Variants in CLOCK observed in about 807,000 individuals in gnomAD.
CLOCK encodes the protein circadian locomoter output cycles protein kaput.
In CLOCK, 43 loss-of-function variants were observed where a neutral mutation model predicts 118.4. That is an observed-to-expected ratio of 0.36 (90% CI 0.28 to 0.47). CLOCK has a LOEUF of 0.47. Ranked by LOEUF, CLOCK falls within the 20% of genes least tolerant of loss-of-function variation. The pLI is 1.00. For synonymous variants in CLOCK, 326 were observed against 339.2 expected (o/e 0.96, Z 0.43); for missense variants, 846 against 999.9 (o/e 0.85, Z 2.08).
At chr4:55,522,426 G>A (rs763848852) in intron 1 of CLOCK, among the ~76,000 whole-genome samples, 1 of 150,924 alleles carries the variant, frequency 6.6e-6, no homozygotes, top group Admixed American at 6.6e-5. Context: ...AGTATCCAAA[G>A]TTCGTAACAA....
chr4:55,447,288 C>T (rs1164669904), intron 18 of CLOCK, among the ~76,000 whole-genome samples: 2 of 151,880 alleles, frequency 1.3e-5, no homozygotes, highest in Non-Finnish European at 2.9e-5. Context: ...CGCCTGAGCT[C>T]AGGAAGCAGA....
At chr4:55,501,617 G>A (rs1728452843) in intron 2 of CLOCK, 1 of 152,178 alleles carries the variant, frequency 6.6e-6, no homozygotes, top group Admixed American at 6.5e-5. Context: ...AAGTGCAGTA[G>A]TGAGAAGAGG....
At chr4:55,451,174 A>C (rs537219382) in intron 15 of CLOCK, among the ~76,000 whole-genome samples, 1 of 152,212 alleles carries the variant, frequency 6.6e-6, no homozygotes, top group East Asian at 1.9e-4. Context: ...CTGTCTTTTA[A>C]ACCAACTCTA....
intron 9 of CLOCK, among the ~76,000 whole-genome samples, chr4:55,462,283 T>G (rs1472128012): frequency 6.6e-6 from 1 of 152,222 alleles, no homozygotes; most frequent in Non-Finnish European, 1.5e-5. Flanking sequence ...TCCAAAGGGT[T>G]CCACCTTTCT....
chr4:55,443,540 T>C (rs1723543361), intron 20 of CLOCK, 147 bp downstream of exon 20: 1 of 689,902 alleles, frequency 1.4e-6, no homozygotes, highest in Non-Finnish European at 2.5e-6. Context: ...CACAAAATAT[T>C]TTAATAATCA....
intron 2 of CLOCK, among the ~76,000 whole-genome samples, chr4:55,492,830 G>A (rs1001756353): frequency 6.6e-6 from 1 of 152,130 alleles, no homozygotes; most frequent in African/African-American, 2.4e-5. Context: ...GGGTGACAGA[G>A]CGAGATTCTG....
At chr4:55,500,570 C>CT (rs1335596032) in intron 2 of CLOCK, among the ~76,000 whole-genome samples, 3 of 152,064 alleles carry the variant, frequency 2.0e-5, no homozygotes, top group African/African-American at 4.8e-5. Flanking sequence ...AGGCTGGTCT[C>CT]TAACTCCTGG....
intron 1 of CLOCK, among the ~76,000 whole-genome samples, chr4:55,537,358 C>A (rs763010389): frequency 3.3e-5 from 5 of 152,108 alleles, no homozygotes; most frequent in African/African-American, 1.2e-4. Context: ...GTGGCTTACA[C>A]CTGTAATCCT....
At chr4:55,507,703 G>A (rs1481997301) in intron 2 of CLOCK, among the ~76,000 whole-genome samples, 1 of 152,136 alleles carries the variant, frequency 6.6e-6, no homozygotes, top group African/African-American at 2.4e-5. Context: ...AAAACACCCA[G>A]TCTCAATAAG....
At chr4:55,443,979 AC>A in intron 19 of CLOCK, 83 bp from the exon 20 acceptor site, 1 of 1,252,622 alleles carries the variant, frequency 8.0e-7, no homozygotes, top group Non-Finnish European at 1.1e-6. Context: ...AAATCAAGCT[AC>A]AAAGTATGTT....
intron 1 of CLOCK, among the ~76,000 whole-genome samples, chr4:55,521,637 G>A (rs188270842): frequency 2.5e-4 from 38 of 152,306 alleles, no homozygotes; most frequent in African/African-American, 8.7e-4. Context: ...ATGAATTATT[G>A]GCCTTCACAA....
chr4:55,455,427 T>C (rs1724854533), intron 13 of CLOCK, among the ~76,000 whole-genome samples: 1 of 152,150 alleles, frequency 6.6e-6, no homozygotes, highest in African/African-American at 2.4e-5. Context: ...TTTAGAACAG[T>C]GCCTGGCACA....
rs17085726 is a variant in CLOCK, at chr4:55,446,552, A to G, written c.1540-1767T>C. Among the ~76,000 whole-genome samples, 538 of 152,370 alleles carry G rather than the reference A, an allele frequency of 3.5e-3. 3 individuals are homozygous for G. The highest frequency in any genetic ancestry group is 0.012 in the African/African-American group (517 of 41,590). On this transcript the variant is annotated intron_variant, in intron 18 of 22. Coordinates refer to ENST00000513440, the MANE Select transcript of CLOCK (RefSeq NM_004898.4). Reference sequence around the variant, plus strand: ...TATCTTCAATGGAAACTATCCTCAGATAAGTATAGAACATGGGCTTTTAAA... The same window carrying G: ...TATCTTCAATGGAAACTATCCTCAGGTAAGTATAGAACATGGGCTTTTAAA...
At chr4:55,545,490 C>T (rs533013039) in intron 1 of CLOCK, 4 of 152,090 alleles carry the variant, frequency 2.6e-5, no homozygotes, top group African/African-American at 9.7e-5. Context: ...GTCAAATCAA[C>T]GACTGTAAAA....
chr4:55,527,700 A>G (rs1394866932), intron 1 of CLOCK, among the ~76,000 whole-genome samples: 1 of 152,336 alleles, frequency 6.6e-6, no homozygotes, highest in East Asian at 1.9e-4. Context: ...TATGATATTA[A>G]GGAAGTATCG....
intron 1 of CLOCK, among the ~76,000 whole-genome samples, chr4:55,523,772 A>G (rs1729991396): frequency 6.6e-6 from 1 of 152,142 alleles, no homozygotes; most frequent in South Asian, 2.1e-4. Context: ...CAGCTTATCA[A>G]TATTTCTACT....
At chr4:55,524,476 AACTATAT>A (rs1250037426) in intron 1 of CLOCK, among the ~76,000 whole-genome samples, 3 of 152,214 alleles carry the variant, frequency 2.0e-5, no homozygotes, top group African/African-American at 7.2e-5. Context: ...AGACAAGAAT[AACTATAT>A]TTATATTTTT....
At chr4:55,458,785 A>G (rs530287749) in intron 11 of CLOCK, 107 bp downstream of exon 11, 3 of 741,260 alleles carry the variant, frequency 4.0e-6, no homozygotes, top group East Asian at 2.6e-5. Context: ...ATTATCATGC[A>G]TATTTAATGA....
intron 2 of CLOCK, among the ~76,000 whole-genome samples, chr4:55,499,305 T>G (rs1204118951): frequency 6.6e-6 from 1 of 152,216 alleles, no homozygotes; most frequent in Non-Finnish European, 1.5e-5. Context: ...TAACATCCTC[T>G]AAAGCAGCAG....
Sources: gnomAD v4.1 joint callset for allele counts (sites outside exome capture counted in the v4.1 genomes callset) on GRCh38, gnomAD v4.1.1 for gene constraint, MANE v1.5 for transcripts, NCBI Gene and HGNC (gene_info 2026-07-23, HGNC 2026-07-21) for gene names.